The following NFAM1 variants were observed in gnomAD, a reference collection of about 807,000 sequenced individuals.
The protein encoded by NFAM1 is NFAT activating protein with ITAM motif 1, also known as NFAT activation molecule 1.
A neutral mutation model predicts 29.0 loss-of-function variants in NFAM1; 17 were observed. The observed-to-expected ratio is 0.59, with a 90% CI of 0.40 to 0.88. NFAM1 has a LOEUF of 0.88. Ranked by LOEUF, NFAM1 falls within the 40% of genes least tolerant of loss-of-function variation. The pLI is 0.00. For synonymous variants in NFAM1, 175 were observed against 147.2 expected (o/e 1.19, Z -1.36); for missense variants, 324 against 344.6 (o/e 0.94, Z 0.47).
chr22:42,415,294 CTTTT>C (rs398037250), intron 1 of NFAM1, among the ~76,000 whole-genome samples: 11 of 94,832 alleles, frequency 1.2e-4, no homozygotes, highest in East Asian at 5.6e-4. Context: ...TTCTTTCTTT[CTTTT>C]TTTTTTTTTT....
In NFAM1 at chr22:42,409,541, C is replaced by A; in HGVS notation, c.458G>T (p.Gly153Val). Residue 153 changes from glycine to valine, a missense_variant, in exon 3 of 6, where the codon GGG becomes GTG. By Grantham distance (109) the Gly-to-Val change is moderately radical. Coordinates refer to ENST00000329021, the MANE Select transcript of NFAM1 (RefSeq NM_145912.8). The surrounding 1 kb of genome is among the most constrained non-coding windows in gnomAD (Gnocchi z 4.9). ...TGGACTCTGCGGGGGCTCTCGGTAC[C>A]CTGCGTCTAGGAGGAAGCGCAGGGG... ...SGTFILVRDA[G>V]YREPPQSPQK... 2 of 1,513,112 alleles carry A rather than the reference C, an allele frequency of 1.3e-6. No homozygotes were observed. Among genetic ancestry groups the A allele is most frequent in the Non-Finnish European group, 8.9e-7 (1 of 1,128,196 alleles). The allele number at this position is 1,513,112 out of a possible 1,614,324, so 93.7% of individuals were successfully genotyped here.
chr22:42,416,431 G>C (rs1930262283), intron 1 of NFAM1, among the ~76,000 whole-genome samples: 1 of 152,224 alleles, frequency 6.6e-6, no homozygotes, highest in Non-Finnish European at 1.5e-5. Flanking sequence ...CCCAGGCTGG[G>C]AAGCTGTCAT....
chr22:42,416,457 G>T (rs1930263081), intron 1 of NFAM1, among the ~76,000 whole-genome samples: 1 of 152,180 alleles, frequency 6.6e-6, no homozygotes, highest in South Asian at 2.1e-4. Flanking sequence ...ATGGCAGGGG[G>T]TGCTCACATT....
At chr22:42,424,481 A>G (rs1485521922) in intron 1 of NFAM1, among the ~76,000 whole-genome samples, 2 of 152,220 alleles carry the variant, frequency 1.3e-5, no homozygotes, top group East Asian at 1.9e-4. Context: ...TCTAGAAATG[A>G]CAACAAAATC....
At chr22:42,403,070 C>T (rs1336133742) in intron 3 of NFAM1, among the ~76,000 whole-genome samples, 1 of 150,866 alleles carries the variant, frequency 6.6e-6, no homozygotes, top group African/African-American at 2.5e-5. Flanking sequence ...GAACTCCTGA[C>T]CTTGTGACCA....
At chr22:42,433,855 G>C (rs1930877509), upstream of NFAM1, among the ~76,000 whole-genome samples, 1 of 152,180 alleles carries the variant, frequency 6.6e-6, no homozygotes, top group African/African-American at 2.4e-5. Flanking sequence ...GGGAGTAGCA[G>C]GTTGTCTAAG....
At chr22:42,402,701 C>A (rs568949652) in intron 3 of NFAM1, among the ~76,000 whole-genome samples, 45 of 152,214 alleles carry the variant, frequency 3.0e-4, no homozygotes, top group Non-Finnish European at 5.9e-4. Flanking sequence ...CCACTTTGAC[C>A]CCTCAAGTCA....
At chr22:42,387,601 T>C (rs1315109742) in intron 4 of NFAM1, among the ~76,000 whole-genome samples, 1 of 132,466 alleles carries the variant, frequency 7.5e-6, no homozygotes, top group Non-Finnish European at 1.5e-5. Context: ...TATTCAAGGA[T>C]AACCCAGGCA....
At chr22:42,427,179 GT>G (rs1930652035) in intron 1 of NFAM1, among the ~76,000 whole-genome samples, 1 of 151,988 alleles carries the variant, frequency 6.6e-6, no homozygotes, top group South Asian at 2.1e-4. Flanking sequence ...TGTTGCCCAC[GT>G]CCCCACTAGG....
chr22:42,413,974 A>C (rs1306628673), intron 1 of NFAM1, among the ~76,000 whole-genome samples: 1 of 152,168 alleles, frequency 6.6e-6, no homozygotes, highest in Non-Finnish European at 1.5e-5. Flanking sequence ...AAATCGCTTG[A>C]ATCTGGGAGG....
chr22:42,390,693 T>C (rs1437560664), intron 4 of NFAM1, among the ~76,000 whole-genome samples: 1 of 151,866 alleles, frequency 6.6e-6, no homozygotes, highest in East Asian at 1.9e-4. Context: ...GACGGGTGCC[T>C]GTAGTCCCAG....
chr22:42,394,721 C>T (rs979537128), intron 4 of NFAM1, among the ~76,000 whole-genome samples: 3 of 152,134 alleles, frequency 2.0e-5, no homozygotes, highest in South Asian at 2.1e-4. Flanking sequence ...AAACCTTCCC[C>T]GGAGACTGGG....
intron 1 of NFAM1, among the ~76,000 whole-genome samples, chr22:42,420,682 C>T (rs990114549): frequency 6.6e-6 from 1 of 150,538 alleles, no homozygotes; most frequent in Non-Finnish European, 1.5e-5. Flanking sequence ...AAGAGAATCG[C>T]TTGAACCCAG....
chr22:42,410,123 G>A (rs1930032736), intron 2 of NFAM1, among the ~76,000 whole-genome samples: 1 of 152,192 alleles, frequency 6.6e-6, no homozygotes, highest in African/African-American at 2.4e-5. Flanking sequence ...CCTATTGTCA[G>A]CCACCAGCCC....
At chr22:42,423,090 G>A (rs1284577039) in intron 1 of NFAM1, among the ~76,000 whole-genome samples, 1 of 127,074 alleles carries the variant, frequency 7.9e-6, no homozygotes, top group Non-Finnish European at 1.6e-5. Context: ...TCCAGGCTAG[G>A]CGACAGAGCA....
chr22:42,400,350 G>T (rs1033154628), intron 3 of NFAM1, among the ~76,000 whole-genome samples: 6 of 152,190 alleles, frequency 3.9e-5, no homozygotes, highest in African/African-American at 1.4e-4. Context: ...AGGTGCAGTG[G>T]TTCATGTCTG....
chr22:42,429,319 C>T (rs1930721411), intron 1 of NFAM1, among the ~76,000 whole-genome samples: 1 of 152,186 alleles, frequency 6.6e-6, no homozygotes, highest in Non-Finnish European at 1.5e-5. Flanking sequence ...AGTAGCAGAG[C>T]TCAAATTCAA....
rs1367853502 is a variant in NFAM1 at position 42,388,503 on chromosome 22, A to G, written c.664-1425T>C. On this transcript the variant is annotated intron_variant, in intron 4 of 5. Coordinates refer to ENST00000329021, the MANE Select transcript of NFAM1 (RefSeq NM_145912.8). This position sits in a 1 kb window ranked among gnomAD's most constrained non-coding sequence, Gnocchi z 4.1. ...CCACCAACAGCCTAAGCAAGAGCAG[A>G]AGCCTTTCCTTCCTGAGTGTACGTG... Among the ~76,000 whole-genome samples the G allele has an allele frequency of 1.3e-5, 2 of 152,178 alleles. No individual in the cohort carries two copies. The highest frequency in any genetic ancestry group is 2.9e-5 in the Non-Finnish European group (2 of 68,034).
rs568266164 is a variant in NFAM1, at chr22:42,381,737, C to T, written c.*3424G>A. On this transcript the variant is annotated 3_prime_UTR_variant, in exon 6 of 6. Transcript: ENST00000329021. ...CACCCCATCCCCCTTAGCTTTTCCC[C>T]TCCAGGCCCATTCATTCAGCTCCTG... 6.5e-6 allele frequency: 1 copy of T among 153,820 alleles called. No homozygotes were observed. The highest frequency in any genetic ancestry group is 1.4e-5 in the Non-Finnish European group (1 of 69,022). The allele number at this position is 153,820 out of a possible 1,614,324, so 9.5% of individuals were successfully genotyped here.
Sources: allele counts gnomAD v4.1 joint callset (sites outside exome capture counted in the v4.1 genomes callset), GRCh38; gene constraint gnomAD v4.1.1; non-coding constraint Gnocchi (gnomAD v3.1); transcripts MANE v1.5; gene names NCBI Gene and HGNC (gene_info 2026-07-23, HGNC 2026-07-21).